The following EBF1 variants were observed in gnomAD, a reference collection of about 807,000 sequenced individuals.
EBF1 encodes transcription factor COE1.
A neutral mutation model predicts 68.4 loss-of-function variants in EBF1; 10 were observed. The ratio of observed to expected loss-of-function variants is 0.15; its 90% CI spans 0.09 to 0.25. EBF1 has a LOEUF of 0.25. EBF1 is among the 10% of genes least tolerant of loss of function. The pLI is 1.00. For synonymous variants in EBF1, 298 were observed against 299.8 expected, an observed-to-expected ratio of 0.99 and a Z score of 0.06; for missense variants, 509 against 794.4, an observed-to-expected ratio of 0.64 and a Z score of 4.32.
chr5:158,823,867 C>T (rs1785411286), intron 7 of EBF1, among the ~76,000 whole-genome samples: 2 of 151,988 alleles, frequency 1.3e-5, no homozygotes, highest in African/African-American at 4.8e-5. Context: ...CAAAGTCCCC[C>T]TCACTACTAT....
At chr5:158,912,917 A>T (rs1806330305) in intron 6 of EBF1, among the ~76,000 whole-genome samples, 1 of 152,184 alleles carries the variant, frequency 6.6e-6, no homozygotes, top group South Asian at 2.1e-4. Flanking sequence ...TTCCTGAGAT[A>T]TTGTCCTCAA....
intron 4 of EBF1, among the ~76,000 whole-genome samples, chr5:159,087,285 TATATACAC>T (rs1410137858): frequency 1.4e-5 from 2 of 144,890 alleles, no homozygotes; most frequent in East Asian, 4.1e-4. Flanking sequence ...CACATATATA[TATATACAC>T]ATATATATAT....
intron 6 of EBF1, among the ~76,000 whole-genome samples, chr5:158,843,937 G>A (rs921361704): frequency 3.9e-5 from 6 of 152,164 alleles, no homozygotes; most frequent in East Asian, 3.9e-4. Context: ...CTCAGATTCC[G>A]AGGGGGCTTT....
chr5:158,863,621 C>T (rs1416399060), intron 6 of EBF1, among the ~76,000 whole-genome samples: 1 of 152,046 alleles, frequency 6.6e-6, no homozygotes. Flanking sequence ...TGTGTGTGTG[C>T]AGAGTATCAT....
At chr5:159,057,204 T>TCAAGTGATTCTCCTGCCTC (rs1308696296) in intron 6 of EBF1, among the ~76,000 whole-genome samples, 2 of 151,412 alleles carry the variant, frequency 1.3e-5, no homozygotes, top group South Asian at 2.1e-4. Context: ...CCTCCTGGGT[T>TCAAGTGATTCTCCTGCCTC]CAAGTGATTC....
chr5:158,952,883 A>C (rs1816318295), intron 6 of EBF1, among the ~76,000 whole-genome samples: 2 of 152,240 alleles, frequency 1.3e-5, no homozygotes, highest in South Asian at 4.1e-4. Context: ...ACTTAAAAGA[A>C]AAAAGTAAGC....
intron 6 of EBF1, among the ~76,000 whole-genome samples, chr5:159,040,908 C>T (rs1036742503): frequency 2.0e-5 from 3 of 152,154 alleles, no homozygotes; most frequent in African/African-American, 7.2e-5. Flanking sequence ...GAGAATAGAC[C>T]ACTCTCTACA....
chr5:158,991,016 C>G (rs940483528), intron 6 of EBF1, among the ~76,000 whole-genome samples: 1 of 152,168 alleles, frequency 6.6e-6, no homozygotes, highest in Non-Finnish European at 1.5e-5. Context: ...TCTCAACGTC[C>G]AATAACTGCA....
chr5:158,868,394 C>T (rs1031587278), intron 6 of EBF1, among the ~76,000 whole-genome samples: 2 of 152,114 alleles, frequency 1.3e-5, no homozygotes, highest in Non-Finnish European at 2.9e-5. Flanking sequence ...GTTTTTATTA[C>T]ATGTCTATTA....
At chr5:159,092,822 T>C (rs1781902014) in intron 4 of EBF1, among the ~76,000 whole-genome samples, 1 of 152,282 alleles carries the variant, frequency 6.6e-6, no homozygotes, top group South Asian at 2.1e-4. Context: ...TCAGAACTTA[T>C]CAGACCAGAA....
chr5:159,050,113 G>T (rs1175599517), intron 6 of EBF1, among the ~76,000 whole-genome samples: 1 of 152,016 alleles, frequency 6.6e-6, no homozygotes, highest in Non-Finnish European at 1.5e-5. Context: ...AGAACCAGGG[G>T]ACAGCGGGGA....
At chr5:158,869,376 C>T (rs1473913815) in intron 6 of EBF1, among the ~76,000 whole-genome samples, 1 of 152,152 alleles carries the variant, frequency 6.6e-6, no homozygotes, top group African/African-American at 2.4e-5. Flanking sequence ...ATACACCACA[C>T]TTTTCAGTCC....
chr5:158,947,664 G>A (rs1170068965), intron 6 of EBF1, among the ~76,000 whole-genome samples: 1 of 152,176 alleles, frequency 6.6e-6, no homozygotes. Context: ...ACTTCCTTAA[G>A]GTTTTCTCTA....
chr5:158,800,758 T>C (rs1174972673), intron 8 of EBF1, among the ~76,000 whole-genome samples: 1 of 152,106 alleles, frequency 6.6e-6, no homozygotes, highest in Non-Finnish European at 1.5e-5. Flanking sequence ...GAAAAATCAC[T>C]TTTAATAGTC....
intron 6 of EBF1, among the ~76,000 whole-genome samples, chr5:158,856,409 G>A (rs1794021005): frequency 6.6e-6 from 1 of 152,150 alleles, no homozygotes; most frequent in Non-Finnish European, 1.5e-5. Flanking sequence ...GAAAATATGG[G>A]ATTTTATGTA....
chr5:159,084,135 T>C (rs1584500944), intron 5 of EBF1, among the ~76,000 whole-genome samples: 1 of 151,626 alleles, frequency 6.6e-6, no homozygotes, highest in South Asian at 2.1e-4. Context: ...CAGAGTTATA[T>C]ATAGGGTAAA....
At chr5:159,078,419 C>T (rs969825848) in intron 5 of EBF1, among the ~76,000 whole-genome samples, 3 of 152,266 alleles carry the variant, frequency 2.0e-5, no homozygotes, top group African/African-American at 2.4e-5. Flanking sequence ...AAGCACTTAA[C>T]GGAAAAAGTG....
At chr5:159,078,525 C>G (rs910211687) in intron 5 of EBF1, among the ~76,000 whole-genome samples, 1 of 152,218 alleles carries the variant, frequency 6.6e-6, no homozygotes, top group Admixed American at 6.5e-5. Context: ...TTTTAGGCTC[C>G]TACGATGTGT....
At chr5:158,980,577 A>C (rs548146265) in intron 6 of EBF1, among the ~76,000 whole-genome samples, 19 of 152,244 alleles carry the variant, frequency 1.2e-4, no homozygotes, top group Non-Finnish European at 5.9e-5. Flanking sequence ...TTCATTAACA[A>C]ATATCAACCC....
Sources: allele counts gnomAD v4.1 joint callset (sites outside exome capture counted in the v4.1 genomes callset), GRCh38; gene constraint gnomAD v4.1.1; transcripts MANE v1.5; gene names NCBI Gene and HGNC (gene_info 2026-07-23, HGNC 2026-07-21).